The following PDE1C variants were observed in gnomAD, a reference collection of about 807,000 sequenced individuals.
PDE1C encodes the protein dual specificity calcium/calmodulin-dependent 3',5'-cyclic nucleotide phosphodiesterase 1C.
Under a neutral mutation model 93.1 loss-of-function variants are expected in PDE1C, and 62 were observed. That is an observed-to-expected ratio of 0.67 (90% CI 0.54 to 0.82). The LOEUF is 0.82. Among genes scored for constraint, PDE1C ranks in the 40% least tolerant of loss-of-function variants. PDE1C has a pLI of 0.00. For synonymous variants in PDE1C, 325 were observed against 310.1 expected, an observed-to-expected ratio of 1.05 and a Z score of -0.50; for missense variants, 742 against 884.6, an observed-to-expected ratio of 0.84 and a Z score of 2.04.
At chr7:32,101,155 G>A (rs758869983) in intron 3 of PDE1C, among the ~76,000 whole-genome samples, 1 of 152,152 alleles carries the variant, frequency 6.6e-6, no homozygotes, top group Non-Finnish European at 1.5e-5. Flanking sequence ...ATAGCAAAAG[G>A]AGGTCAACCT....
intron 16 of PDE1C, among the ~76,000 whole-genome samples, chr7:31,801,798 C>G (rs1447398823): frequency 2.6e-5 from 4 of 151,378 alleles, no homozygotes; most frequent in Non-Finnish European, 5.9e-5. Context: ...ATATAGCCAC[C>G]AGGCTTTCTT....
At chr7:31,934,876 A>G (rs1441839007) in intron 2 of PDE1C, among the ~76,000 whole-genome samples, 2 of 152,110 alleles carry the variant, frequency 1.3e-5, no homozygotes, top group East Asian at 1.9e-4. Flanking sequence ...AAAAAAATAA[A>G]TTCCTCCAAC....
chr7:31,720,813 A>G, the PDE1C span, among the ~76,000 whole-genome samples: 1 of 152,206 alleles, frequency 6.6e-6, no homozygotes, highest in Non-Finnish European at 1.5e-5. Context: ...ACATTTGCCA[A>G]GAGTACAAAT....
intron 2 of PDE1C, among the ~76,000 whole-genome samples, chr7:31,898,023 TGTGTGTGTG>T (rs1799524848): frequency 3.7e-5 from 1 of 26,818 alleles, no homozygotes; most frequent in Admixed American, 3.3e-4. Context: ...GGTTTCTTTG[TGTGTGTGTG>T]TGTGTGTGTG....
intron 2 of PDE1C, among the ~76,000 whole-genome samples, chr7:31,884,852 G>A (rs1797686926): frequency 6.6e-6 from 1 of 152,120 alleles, no homozygotes; most frequent in Non-Finnish European, 1.5e-5. Context: ...TTATAGTGAA[G>A]GTATTCCTTA....
At chr7:32,211,692 T>C (rs1201900131) in intron 1 of PDE1C, among the ~76,000 whole-genome samples, 1 of 152,102 alleles carries the variant, frequency 6.6e-6, no homozygotes, top group Non-Finnish European at 1.5e-5. Flanking sequence ...GTTCAACTTA[T>C]TTCTTCCATT....
intron 3 of PDE1C, among the ~76,000 whole-genome samples, chr7:32,083,445 G>A (rs938146665): frequency 6.6e-6 from 1 of 152,156 alleles, no homozygotes; most frequent in Non-Finnish European, 1.5e-5. Flanking sequence ...TTATCCAGGA[G>A]AACTTCCCCA....
At chr7:31,722,339 T>A in the PDE1C span, among the ~76,000 whole-genome samples, 1 of 152,134 alleles carries the variant, frequency 6.6e-6, no homozygotes, top group Non-Finnish European at 1.5e-5. Context: ...AGTTCTATGT[T>A]CTCCTGATAT....
chr7:31,652,370 C>T, the PDE1C span: 2 of 1,265,246 alleles, frequency 1.6e-6, no homozygotes, highest in African/African-American at 3.0e-5. Flanking sequence ...CCAATATAAG[C>T]TAAGTCACTA....
intron 2 of PDE1C, among the ~76,000 whole-genome samples, chr7:31,993,762 T>C (rs369176940): frequency 1.3e-5 from 2 of 152,216 alleles, no homozygotes; most frequent in South Asian, 4.1e-4. Flanking sequence ...CTAAAACTTA[T>C]CCTCACTTTG....
chr7:31,794,089 CAGAT>C (rs71559204), intron 16 of PDE1C, among the ~76,000 whole-genome samples: 1,891 of 135,748 alleles, frequency 0.014, 40 homozygotes, highest in African/African-American at 0.05. Context: ...GACAGACAGA[CAGAT>C]AGATAGACAG....
intron 2 of PDE1C, among the ~76,000 whole-genome samples, chr7:31,913,120 C>T (rs1801455732): frequency 6.6e-6 from 1 of 152,166 alleles, no homozygotes; most frequent in Non-Finnish European, 1.5e-5. Flanking sequence ...TCCTGAACCT[C>T]AGCTTGCATC....
intron 1 of PDE1C, among the ~76,000 whole-genome samples, chr7:32,230,262 G>C (rs1053373490): frequency 6.6e-6 from 1 of 152,196 alleles, no homozygotes; most frequent in Non-Finnish European, 1.5e-5. Context: ...TTCTGTCTGG[G>C]CTCACGCCAA....
At chr7:31,731,431 C>T in the PDE1C span, among the ~76,000 whole-genome samples, 2 of 152,104 alleles carry the variant, frequency 1.3e-5, no homozygotes, top group Non-Finnish European at 2.9e-5. Flanking sequence ...CGCTCTGTCA[C>T]CCAGGCTGGA....
At chr7:32,417,670 TAA>T (rs200338870) in intron 1 of PDE1C, among the ~76,000 whole-genome samples, 22 of 112,352 alleles carry the variant, frequency 2.0e-4, no homozygotes, top group Non-Finnish European at 2.0e-4. Context: ...CCCAATTTAG[TAA>T]AAAAAAAAAA....
At chr7:31,899,824 TG>T (rs1289493098) in intron 2 of PDE1C, among the ~76,000 whole-genome samples, 1 of 152,156 alleles carries the variant, frequency 6.6e-6, no homozygotes, top group Non-Finnish European at 1.5e-5. Context: ...TATAGTCTCA[TG>T]GTAAGGGAGT....
intron 1 of PDE1C, among the ~76,000 whole-genome samples, chr7:32,337,777 G>T (rs1014549105): frequency 6.6e-6 from 1 of 152,050 alleles, no homozygotes; most frequent in African/African-American, 2.4e-5. Context: ...TCAGTTTTTA[G>T]AGGTCAAAAA....
intron 15 of PDE1C, 134 bp downstream of exon 15, chr7:31,815,790 G>T (rs1788171314): frequency 2.9e-6 from 2 of 697,634 alleles, no homozygotes; most frequent in African/African-American, 1.8e-5. Flanking sequence ...AATGAGGTGG[G>T]ATCAGAAGGA....
At chr7:32,239,530 C>T (rs1366581353) in intron 1 of PDE1C, among the ~76,000 whole-genome samples, 1 of 152,046 alleles carries the variant, frequency 6.6e-6, no homozygotes, top group Non-Finnish European at 1.5e-5. Flanking sequence ...TAATGTAATA[C>T]TTTTTAAAAT....
Sources: allele counts gnomAD v4.1 joint callset (sites outside exome capture counted in the v4.1 genomes callset), GRCh38; gene constraint gnomAD v4.1.1; transcripts MANE v1.5; gene names NCBI Gene and HGNC (gene_info 2026-07-23, HGNC 2026-07-21).